Variants in TFEC observed in about 807,000 individuals in gnomAD.
TFEC encodes the protein class E basic helix-loop-helix protein 34.
Under a neutral mutation model 41.6 loss-of-function variants are expected in TFEC, and 31 were observed. The observed-to-expected ratio is 0.74, with a 90% CI of 0.56 to 1.01. The LOEUF is 1.01. TFEC is among the 50% of genes least tolerant of loss of function. The pLI is 0.00. For missense variants in TFEC, 402 were observed against 404.1 expected, an observed-to-expected ratio of 0.99 and a Z score of 0.04; for synonymous variants, 143 against 140.6, an observed-to-expected ratio of 1.02 and a Z score of -0.12.
At chr7:116,106,356 A>G (rs910126521) in intron 3 of TFEC, among the ~76,000 whole-genome samples, 1 of 151,282 alleles carries the variant, frequency 6.6e-6, no homozygotes, top group African/African-American at 2.4e-5. Flanking sequence ...CTGACTGATG[A>G]CTTCAGTTTT....
intron 3 of TFEC, among the ~76,000 whole-genome samples, chr7:116,081,511 T>G (rs1562962730): frequency 6.6e-6 from 1 of 152,030 alleles, no homozygotes; most frequent in Non-Finnish European, 1.5e-5. Flanking sequence ...CCTGCCTTAG[T>G]TAAGTAGGTC....
Position 115,954,590 on chromosome 7 carries a change from G to A in TFEC, c.435C>T (p.Asn145=). 1 of 1,611,182 alleles carries A rather than the reference G, an allele frequency of 6.2e-7. No individual in the cohort carries two copies. Among genetic ancestry groups the A allele is most frequent in the Non-Finnish European group, 8.5e-7 (1 of 1,178,400 alleles). ...TATGGAAAAATATATACTCACTGAGGTTGTGGTTGTCCTTTTTTTGTCTCT... is the reference window on the plus strand; with the variant it reads ...TATGGAAAAATATATACTCACTGAGATTGTGGTTGTCCTTTTTTTGTCTCT... ...AKERQKKDNH[N]LIERRRRYNI... Residue 145 remains asparagine (N), a synonymous_variant, in exon 5 of 8, where the codon AAC becomes AAT. Transcript: ENST00000265440.
chr7:116,053,821 A>C (rs1234794541), intron 3 of TFEC, among the ~76,000 whole-genome samples: 1 of 152,230 alleles, frequency 6.6e-6, no homozygotes, highest in Non-Finnish European at 1.5e-5. Flanking sequence ...GAAATAAATT[A>C]CTTTTCTTTA....
chr7:116,014,679 T>C (rs894399541), intron 1 of TFEC, among the ~76,000 whole-genome samples: 2 of 152,182 alleles, frequency 1.3e-5, no homozygotes, highest in Non-Finnish European at 2.9e-5. Context: ...ATTTACATTA[T>C]ACAAGGAGTT....
Position 116,005,742 on chromosome 7 carries a change from C to T in TFEC, c.-72-21229G>A, listed in dbSNP as rs866390793. On this transcript the variant is annotated intron_variant, in intron 1 of 7. Coordinates refer to ENST00000265440, the MANE Select transcript of TFEC (RefSeq NM_012252.4). ...AGGAGCTGAATGTTAATCACCAAGACGATGGGGAAAATGTTTCCAGGGCAT... is the reference window on the plus strand; with the variant it reads ...AGGAGCTGAATGTTAATCACCAAGATGATGGGGAAAATGTTTCCAGGGCAT... 5.9e-5 allele frequency among the ~76,000 whole-genome samples: 9 copies of T among 152,116 alleles called. No homozygotes were observed. In the South Asian group the frequency reaches 6.2e-4, roughly 11 times the overall value.
At chr7:115,988,725 G>C (rs1422210273) in intron 1 of TFEC, among the ~76,000 whole-genome samples, 1 of 151,836 alleles carries the variant, frequency 6.6e-6, no homozygotes, top group African/African-American at 2.4e-5. Flanking sequence ...GATCCAGGAA[G>C]CTCAGAGAAC....
rs1417216347 is a variant in TFEC at position 115,940,863 on chromosome 7, AC to A, written c.731del (p.Gly244ValfsTer16). On this transcript the variant is annotated frameshift_variant, in exon 8 of 8. Transcript: ENST00000265440. LOFTEE classifies it high-confidence loss of function. Reference protein sequence around the residue: ...TLASLGTVDLGAHVTKQQSHP... With the variant: ...TLASLGTVDLXAHVTKQQSHP... ...GGCTCTGCTGTTTGGTGACATGAGC[AC>A]CTAAATCAACCGTGCCAAGTGAAGC... 2 of 1,613,032 alleles carry A rather than the reference AC, an allele frequency of 1.2e-6. No homozygotes were observed. Among genetic ancestry groups the A allele is most frequent in the Admixed American group, 1.7e-5 (1 of 59,896 alleles).
chr7:115,952,746 G>T (rs1290383814), intron 5 of TFEC, among the ~76,000 whole-genome samples: 1 of 152,006 alleles, frequency 6.6e-6, no homozygotes, highest in Non-Finnish European at 1.5e-5. Flanking sequence ...TGTCATGGTG[G>T]TTTCACTCTT....
intron 3 of TFEC, among the ~76,000 whole-genome samples, chr7:116,084,357 C>T (rs953768500): frequency 6.6e-6 from 1 of 151,868 alleles, no homozygotes; most frequent in Non-Finnish European, 1.5e-5. Flanking sequence ...TTATTCTGCA[C>T]TAATTATATC....
At chr7:116,094,172 G>C (rs1797394419) in intron 3 of TFEC, among the ~76,000 whole-genome samples, 1 of 152,194 alleles carries the variant, frequency 6.6e-6, no homozygotes, top group Non-Finnish European at 1.5e-5. Context: ...TCCTGAGTGT[G>C]AGATCATAAA....
chr7:116,086,151 A>G (rs1183449411), intron 3 of TFEC, among the ~76,000 whole-genome samples: 1 of 151,870 alleles, frequency 6.6e-6, no homozygotes, highest in Non-Finnish European at 1.5e-5. Context: ...TTTAAAAAGT[A>G]TTTTCATTCT....
chr7:116,012,845 C>T (rs1026534538), intron 1 of TFEC, among the ~76,000 whole-genome samples: 2 of 134,030 alleles, frequency 1.5e-5, no homozygotes, highest in African/African-American at 5.5e-5. Context: ...AAAAAAAAAA[C>T]CCAAACAATT....
intron 3 of TFEC, among the ~76,000 whole-genome samples, chr7:116,103,706 A>G (rs1264990101): frequency 6.6e-6 from 1 of 152,202 alleles, no homozygotes; most frequent in Non-Finnish European, 1.5e-5. Context: ...AGAAATAATT[A>G]GTATCTATGT....
At chr7:115,964,977 A>G (rs1466091955) in intron 3 of TFEC, among the ~76,000 whole-genome samples, 1 of 151,638 alleles carries the variant, frequency 6.6e-6, no homozygotes, top group East Asian at 1.9e-4. Context: ...CTAGCAAAGG[A>G]GAAAGAACAG....
chr7:115,985,194 G>A (rs983960978), intron 1 of TFEC, among the ~76,000 whole-genome samples: 4 of 151,982 alleles, frequency 2.6e-5, no homozygotes, highest in Non-Finnish European at 5.9e-5. Flanking sequence ...AAAATCTAAC[G>A]ATTGTCATGT....
chr7:115,979,100 C>T (rs1177147540), intron 2 of TFEC, among the ~76,000 whole-genome samples: 1 of 152,128 alleles, frequency 6.6e-6, no homozygotes, highest in Admixed American at 6.5e-5. Context: ...CTCACTTTCT[C>T]ACACCCACAA....
chr7:116,064,410 C>A (rs1233587945), intron 3 of TFEC, among the ~76,000 whole-genome samples: 1 of 150,576 alleles, frequency 6.6e-6, no homozygotes, highest in Non-Finnish European at 1.5e-5. Flanking sequence ...AAAAATATAT[C>A]TTTTAAATAT....
At chr7:115,969,314 A>G (rs1427189210) in intron 3 of TFEC, among the ~76,000 whole-genome samples, 1 of 151,872 alleles carries the variant, frequency 6.6e-6, no homozygotes, top group Non-Finnish European at 1.5e-5. Context: ...TAAATGCAGT[A>G]ATAAAGAAGA....
chr7:116,107,207 C>T (rs1241583068), intron 3 of TFEC, among the ~76,000 whole-genome samples: 2 of 152,156 alleles, frequency 1.3e-5, no homozygotes, highest in East Asian at 1.9e-4. Flanking sequence ...AACTGCCTGG[C>T]TTATGCAATT....
Sources: gnomAD v4.1 joint callset for allele counts (sites outside exome capture counted in the v4.1 genomes callset) on GRCh38, gnomAD v4.1.1 for gene constraint, MANE v1.5 for transcripts, NCBI Gene and HGNC (gene_info 2026-07-23, HGNC 2026-07-21) for gene names.